Variants in IFT140 observed in about 807,000 individuals in gnomAD.
IFT140 encodes the protein intraflagellar transport protein 140 homolog.
Under a neutral mutation model 164.6 loss-of-function variants are expected in IFT140, and 133 were observed. The ratio of observed to expected loss-of-function variants is 0.81; its 90% CI spans 0.70 to 0.93. The LOEUF is 0.93. IFT140 is among the 40% of genes least tolerant of loss of function. The pLI is 0.00. For missense variants in IFT140, 2,045 were observed against 1,972.3 expected, an observed-to-expected ratio of 1.04 and a Z score of -0.70; for synonymous variants, 860 against 817.3, an observed-to-expected ratio of 1.05 and a Z score of -0.89.
rs189207086 is a variant in IFT140 at position 1,512,140 on chromosome 16, G to A, written c.4183-990C>T. 4.2e-4 allele frequency among the ~76,000 whole-genome samples: 57 copies of A among 137,278 alleles called. 1 individual carries two copies. The East Asian group carries it at 0.012, about 29-fold the overall frequency. The allele number at this position is 137,278 out of a possible 152,430, so 90.1% of individuals were successfully genotyped here. ...AGGGGTGGTGGGGGGCAGGACAGGC[G>A]GCATAGGTGGGTGAGGGGTGGTGGG... is the stretch of plus-strand genomic sequence containing the variant. On this transcript the variant is annotated intron_variant, in intron 30 of 30. Transcript: ENST00000426508.
intron 19 of IFT140, among the ~76,000 whole-genome samples, chr16:1,539,529 G>A (rs1407955583): frequency 1.3e-5 from 2 of 152,264 alleles, no homozygotes; most frequent in Non-Finnish European, 2.9e-5. Context: ...CCCGCTGTCC[G>A]TACGGGAACC....
At chr16:1,526,245 C>T (rs1236557110) in intron 20 of IFT140, 168 bp from the exon 21 acceptor site, 6 of 666,538 alleles carry the variant, frequency 9.0e-6, no homozygotes, top group Middle Eastern at 4.1e-4. Flanking sequence ...GGGGCATCCC[C>T]GTCCCACGGC....
intron 19 of IFT140, among the ~76,000 whole-genome samples, chr16:1,537,429 C>T (rs551816923): frequency 2.6e-5 from 4 of 152,370 alleles, no homozygotes; most frequent in Admixed American, 2.0e-4. Flanking sequence ...GGACAGGGGA[C>T]GCGCCCCGGA....
chr16:1,563,217 C>T (rs1038479708), intron 17 of IFT140, among the ~76,000 whole-genome samples: 7 of 152,020 alleles, frequency 4.6e-5, no homozygotes, highest in African/African-American at 1.2e-4. Flanking sequence ...GCCACCTGGA[C>T]GTGTCCTCCC....
chr16:1,520,470 T>G (rs544668911), intron 27 of IFT140, 127 bp from the exon 28 acceptor site: 1 of 1,334,934 alleles, frequency 7.5e-7, no homozygotes, highest in Admixed American at 2.0e-5. Context: ...ATCTTAGTGG[T>G]TGTGCTCTTC....
intron 18 of IFT140, among the ~76,000 whole-genome samples, chr16:1,558,952 GAGT>G (rs1206928432): frequency 6.6e-6 from 1 of 152,250 alleles, no homozygotes; most frequent in Admixed American, 6.5e-5. Context: ...CGGCCCCGGT[GAGT>G]AGGCCTCATG....
At chr16:1,565,508 G>C (rs1362336820) in intron 16 of IFT140, among the ~76,000 whole-genome samples, 1 of 151,666 alleles carries the variant, frequency 6.6e-6, no homozygotes, top group African/African-American at 2.4e-5. Context: ...TAATGGAGGA[G>C]GGAAAAAAAA....
Position 1,596,406 on chromosome 16 carries a change from A to G in IFT140, c.370-3818T>C, listed in dbSNP as rs148108263. ...ATTAGCACATACGAGCTTCTAGCTG[A>G]CCACTTAACCAGCATTCTCAACATC... On this transcript the variant is annotated intron_variant, in intron 4 of 30. Transcript: ENST00000426508. 2.8e-3 allele frequency among the ~76,000 whole-genome samples: 427 copies of G among 152,296 alleles called. 2 individuals carry two copies. Among genetic ancestry groups the G allele is most frequent in the African/African-American group, 9.7e-3 (405 of 41,558 alleles).
Position 1,533,876 on chromosome 16 carries a change from C to T in IFT140, c.2400-7080G>A, listed in dbSNP as rs2745184. 5,841 of 280,020 alleles carry T rather than the reference C, an allele frequency of 0.021. 405 individuals are homozygous for T. Among genetic ancestry groups the T allele is most frequent in the African/African-American group, 0.13 (5,385 of 42,796 alleles). The allele number at this position is 280,020 out of a possible 1,614,324, so 17.3% of individuals were successfully genotyped here. ...CAGGCCGGTGCTAAGGAGTGTGGCG[C>T]GGGCTCGACTCCCACTGCTGCCGGC... On this transcript the variant is annotated intron_variant, in intron 19 of 30. Transcript: ENST00000426508. The surrounding 1 kb of genome is among the most constrained non-coding windows in gnomAD (Gnocchi z 4.7).
chr16:1,602,865 A>G (rs556174998), intron 3 of IFT140, among the ~76,000 whole-genome samples: 74 of 152,186 alleles, frequency 4.9e-4, no homozygotes, highest in African/African-American at 1.8e-3. Flanking sequence ...GCTTGAACCC[A>G]GGAGGCAGAG....
chr16:1,525,703 T>C lies in IFT140; in HGVS notation c.2768+184A>G, dbSNP rs2745178. ...GCCTGGGAAGCTGGGTGGCCCAGGA[T>C]GGAAGGGGCAACCCCACATCTCCGA... On this transcript the variant is annotated intron_variant, in intron 21 of 30. Transcript: ENST00000426508. Among the ~76,000 whole-genome samples the C allele has an allele frequency of 0.97, 148,418 of 152,338 alleles. 72,330 individuals carry two copies. The highest frequency in any genetic ancestry group is 1 in the East Asian group (5,176 of 5,176).
rs141415022 is a variant in IFT140, at chr16:1,596,010, C to A, written c.370-3422G>T. Among the ~76,000 whole-genome samples, 779 of 150,202 alleles carry A rather than the reference C, an allele frequency of 5.2e-3. 6 individuals are homozygous for A. The highest frequency in any genetic ancestry group is 0.018 in the African/African-American group (752 of 40,898). The stretch of plus-strand genomic sequence containing the variant: ...GGCAGAGCTTGCAATGAGCCAAGAT[C>A]CCGCCACTGCACTCCAGCCTGGGTG... On this transcript the variant is annotated intron_variant, in intron 4 of 30. Transcript: ENST00000426508.
Position 1,558,139 on chromosome 16 carries a change from A to G in IFT140, c.2200-5T>C. On this transcript the variant is annotated splice_polypyrimidine_tract_variant and splice_region_variant and intron_variant, in intron 18 of 30. Transcript: ENST00000426508. ...TTCTCTGTCTGCTTCTTCGGGCTAA[A>G]TGACAAAGGACCCATGTGTTTGTTA... is the stretch of plus-strand genomic sequence containing the variant. The G allele has an allele frequency of 6.2e-7, 1 of 1,614,016 alleles. No individual in the cohort carries two copies. Among genetic ancestry groups the G allele is most frequent in the Non-Finnish European group, 8.5e-7 (1 of 1,179,928 alleles).
chr16:1,517,372 A>G (rs2040394582), intron 30 of IFT140, among the ~76,000 whole-genome samples: 1 of 151,478 alleles, frequency 6.6e-6, no homozygotes, highest in Admixed American at 6.6e-5. Context: ...AAAAAAGTAC[A>G]ATAATAAGAA....
chr16:1,592,950 GGT>G (rs1180380353), intron 4 of IFT140, among the ~76,000 whole-genome samples: 2 of 150,862 alleles, frequency 1.3e-5, no homozygotes, highest in Non-Finnish European at 3.0e-5. Context: ...CAGAGTGACT[GGT>G]GGTGGGACAG....
intron 15 of IFT140, among the ~76,000 whole-genome samples, chr16:1,567,052 C>T (rs546879925): frequency 1.5e-3 from 221 of 152,274 alleles, no homozygotes; most frequent in African/African-American, 5.1e-3. Context: ...TCTGCTCATC[C>T]ACCTTTGCAG....
chr16:1,526,379 C>T (rs1321477834), intron 20 of IFT140: 6 of 475,124 alleles, frequency 1.3e-5, no homozygotes, highest in East Asian at 4.3e-5. Context: ...GTCTCTCGGG[C>T]GCTCTGTTCC....
chr16:1,583,206 C>A, intron 12 of IFT140, 108 bp downstream of exon 12: 2 of 973,234 alleles, frequency 2.1e-6, no homozygotes, highest in South Asian at 2.7e-5. Context: ...AAGGGTCTCC[C>A]CAGCCCCTGT....
rs759717328 is a variant in IFT140, at chr16:1,520,811, G to A, written c.3454-3C>T. On this transcript the variant is annotated splice_polypyrimidine_tract_variant and splice_region_variant and intron_variant, in intron 26 of 30. Coordinates refer to ENST00000426508, the MANE Select transcript of IFT140 (RefSeq NM_014714.4). ...CACAGCTGCAGGGCTTCCTGATACT[G>A]CAAAGGTGCAGAAATGGGACGGGGC... is the stretch of plus-strand genomic sequence containing the variant. The A allele has an allele frequency of 1.2e-6, 2 of 1,601,152 alleles. No homozygotes were observed. The highest frequency in any genetic ancestry group is 1.7e-6 in the Non-Finnish European group (2 of 1,179,612).
Sources: gnomAD v4.1 joint callset for allele counts (sites outside exome capture counted in the v4.1 genomes callset) on GRCh38, gnomAD v4.1.1 for gene constraint, Gnocchi (gnomAD v3.1) non-coding constraint, MANE v1.5 for transcripts, NCBI Gene and HGNC (gene_info 2026-07-23, HGNC 2026-07-21) for gene names.